Variants in CDH18 observed in about 807,000 individuals in gnomAD.
The protein encoded by CDH18 is cadherin 18, also known as cadherin-18.
In CDH18, 31 loss-of-function variants were observed where a neutral mutation model predicts 67.9. That is an observed-to-expected ratio of 0.46 (90% CI 0.34 to 0.62). The LOEUF is 0.62. Ranked by LOEUF, CDH18 falls within the 20% of genes least tolerant of loss-of-function variation. The probability of loss-of-function intolerance (pLI) is 0.01; values close to 1 mark genes in which losing one functional copy is unlikely to be tolerated. For synonymous variants in CDH18, 362 were observed against 347.2 expected (o/e 1.04, Z -0.48); for missense variants, 890 against 975.5 (o/e 0.91, Z 1.17).
chr5:19,791,143 A>G (rs1353841087), intron 3 of CDH18, among the ~76,000 whole-genome samples: 4 of 152,118 alleles, frequency 2.6e-5, no homozygotes, highest in African/African-American at 7.2e-5. Flanking sequence ...AGCTCATGAA[A>G]GAGTTTGAGA....
chr5:19,493,831 G>T (rs1352358067), intron 11 of CDH18, among the ~76,000 whole-genome samples: 1 of 151,902 alleles, frequency 6.6e-6, no homozygotes. Context: ...GGCAATAATA[G>T]CTCCAACAGT....
intron 5 of CDH18, among the ~76,000 whole-genome samples, chr5:19,671,905 A>G (rs886547730): frequency 8.5e-5 from 13 of 152,116 alleles, no homozygotes; most frequent in African/African-American, 3.1e-4. Context: ...GTATCACAAG[A>G]TAGTCACCAC....
intron 2 of CDH18, among the ~76,000 whole-genome samples, chr5:19,965,915 G>C (rs1051084443): frequency 6.6e-6 from 1 of 152,168 alleles, no homozygotes; most frequent in Non-Finnish European, 1.5e-5. Context: ...GACAGAGACA[G>C]TGTGCATGCA....
intron 1 of CDH18, among the ~76,000 whole-genome samples, chr5:20,485,690 C>A (rs1753121529): frequency 2.6e-5 from 4 of 151,316 alleles, no homozygotes; most frequent in Non-Finnish European, 5.9e-5. Context: ...GTAAGATTTT[C>A]AGGCTCATGG....
intron 2 of CDH18, among the ~76,000 whole-genome samples, chr5:19,961,757 C>G (rs1169429960): frequency 6.6e-6 from 1 of 151,856 alleles, no homozygotes; most frequent in South Asian, 2.1e-4. Context: ...CGATACATAC[C>G]ATATCCAATA....
intron 5 of CDH18, among the ~76,000 whole-genome samples, chr5:19,638,878 G>A (rs1345724450): frequency 1.3e-5 from 2 of 149,206 alleles, no homozygotes; most frequent in African/African-American, 2.5e-5. Flanking sequence ...ATAACAAGGG[G>A]AGCAGTCAAC....
At chr5:20,229,387 C>T (rs1741890337) in intron 2 of CDH18, among the ~76,000 whole-genome samples, 1 of 152,048 alleles carries the variant, frequency 6.6e-6, no homozygotes, top group Non-Finnish European at 1.5e-5. Context: ...CAAAGCCCCA[C>T]AACTTTAAAA....
At chr5:20,325,142 T>C (rs1315720184) in intron 1 of CDH18, among the ~76,000 whole-genome samples, 1 of 152,208 alleles carries the variant, frequency 6.6e-6, no homozygotes, top group Non-Finnish European at 1.5e-5. Flanking sequence ...TGATCAGACA[T>C]TGAAAAATAG....
At position 20,136,241 on chromosome 5, in the gene CDH18, G is replaced by A. The variant is rs995486945; in HGVS notation, c.-518+119203C>T. Among the ~76,000 whole-genome samples, 74 of 152,198 alleles carry A rather than the reference G, an allele frequency of 4.9e-4. 1 individual carries two copies. The highest frequency in any genetic ancestry group is 1.6e-3 in the African/African-American group (68 of 41,510). On this transcript the variant is annotated intron_variant, in intron 2 of 14. Coordinates refer to the CDH18 transcript ENST00000507958. ...TGTGGGAGTCTAAGTCTCTTTGTAG[G>A]TCTCTAAGGACTTGCTTTATGAATC...
intron 2 of CDH18, among the ~76,000 whole-genome samples, chr5:20,053,657 A>G (rs1276549278): frequency 6.6e-6 from 1 of 152,148 alleles, no homozygotes; most frequent in Non-Finnish European, 1.5e-5. Context: ...CCAAAGGTAC[A>G]GATGTAGTTG....
At chr5:20,217,276 A>T (rs1740855986) in intron 2 of CDH18, among the ~76,000 whole-genome samples, 1 of 151,924 alleles carries the variant, frequency 6.6e-6, no homozygotes, top group Admixed American at 6.6e-5. Context: ...TTGAGTAGAA[A>T]GTCTAAAAGA....
At chr5:19,725,901 C>A (rs1463644899) in intron 4 of CDH18, among the ~76,000 whole-genome samples, 2 of 152,194 alleles carry the variant, frequency 1.3e-5, no homozygotes, top group Non-Finnish European at 2.9e-5. Context: ...CATTAAAAAA[C>A]TAGGCTATAA....
intron 1 of CDH18, among the ~76,000 whole-genome samples, chr5:20,564,380 C>A (rs981609611): frequency 3.3e-5 from 5 of 151,802 alleles, no homozygotes; most frequent in African/African-American, 1.2e-4. Context: ...CAGGTTCAAG[C>A]AATTCTCCTG....
At chr5:19,684,158 G>A (rs1760732657) in intron 5 of CDH18, among the ~76,000 whole-genome samples, 1 of 151,578 alleles carries the variant, frequency 6.6e-6, no homozygotes, top group Non-Finnish European at 1.5e-5. Flanking sequence ...CATATTTTTA[G>A]CAAAAAATCA....
intron 9 of CDH18, among the ~76,000 whole-genome samples, chr5:19,526,715 T>G (rs369682359): frequency 6.6e-6 from 1 of 152,026 alleles, no homozygotes; most frequent in Non-Finnish European, 1.5e-5. Context: ...TCTAGGGAAT[T>G]TGGTAGATTT....
At chr5:20,304,557 T>C in intron 1 of CDH18, 2 of 1,611,772 alleles carry the variant, frequency 1.2e-6, no homozygotes, top group Non-Finnish European at 1.7e-6. Context: ...AACTGGAGTT[T>C]CCAGGGGAGA....
At chr5:19,591,912 A>G (rs1296060408) in intron 6 of CDH18, among the ~76,000 whole-genome samples, 1 of 152,124 alleles carries the variant, frequency 6.6e-6, no homozygotes, top group African/African-American at 2.4e-5. Context: ...GTAAATAGCT[A>G]TAGAAAATTA....
chr5:19,774,300 A>G (rs887351499), intron 3 of CDH18, among the ~76,000 whole-genome samples: 1 of 151,970 alleles, frequency 6.6e-6, no homozygotes, highest in African/African-American at 2.4e-5. Flanking sequence ...TATAGTCCCA[A>G]CTGTTCAGAA....
intron 2 of CDH18, among the ~76,000 whole-genome samples, chr5:19,958,546 C>A (rs1318097922): frequency 6.6e-6 from 1 of 151,814 alleles, no homozygotes; most frequent in Non-Finnish European, 1.5e-5. Context: ...ACCTAGCACA[C>A]GCCAGGAACT....
Sources: allele counts gnomAD v4.1 joint callset (sites outside exome capture counted in the v4.1 genomes callset), GRCh38; gene constraint gnomAD v4.1.1; transcripts MANE v1.5; gene names NCBI Gene and HGNC (gene_info 2026-07-23, HGNC 2026-07-21).